The following FOXK1 variants were observed in gnomAD, a reference collection of about 807,000 sequenced individuals.
FOXK1 encodes forkhead box K1, also known as forkhead box protein K1.
A neutral mutation model predicts 51.9 loss-of-function variants in FOXK1; 19 were observed. The observed-to-expected ratio is 0.37, with a 90% CI of 0.26 to 0.54. The LOEUF is 0.54. Ranked by LOEUF, FOXK1 falls within the 20% of genes least tolerant of loss-of-function variation. The pLI is 0.87. For synonymous variants in FOXK1, 537 were observed against 482.6 expected, an observed-to-expected ratio of 1.11 and a Z score of -1.48; for missense variants, 870 against 1,032.7, an observed-to-expected ratio of 0.84 and a Z score of 2.16.
Position 4,734,553 on chromosome 7 carries a change from C to T in FOXK1, c.561-6285C>T, listed in dbSNP as rs1370755790. Among the ~76,000 whole-genome samples the T allele has an allele frequency of 6.6e-6, 1 of 151,454 alleles. No individual in the cohort carries two copies. Among genetic ancestry groups the T allele is most frequent in the African/African-American group, 2.5e-5 (1 of 40,788 alleles). On this transcript the variant is annotated intron_variant, in intron 1 of 8. Transcript: ENST00000328914. This position sits in a 1 kb window ranked among gnomAD's most constrained non-coding sequence, Gnocchi z 5.2. The stretch of plus-strand genomic sequence containing the variant: ...GTCTGTTCTTGTGGAAGGGGAGGTG[C>T]CCCCCGGCCCACCCCCCCGCTGCCC...
rs548496073 is a variant in FOXK1, at chr7:4,723,073, C to T, written c.561-17765C>T. Among the ~76,000 whole-genome samples, 4 of 152,076 alleles carry T rather than the reference C, an allele frequency of 2.6e-5. No homozygotes were observed. The highest frequency in any genetic ancestry group is 2.1e-4 in the South Asian group (1 of 4,778). On this transcript the variant is annotated intron_variant, in intron 1 of 8. Coordinates refer to ENST00000328914, the MANE Select transcript of FOXK1 (RefSeq NM_001037165.2). This position sits in a 1 kb window ranked among gnomAD's most constrained non-coding sequence, Gnocchi z 4.7. ...CAGCTTGTGATCCCGAACAAAAACC[C>T]GTCTTCCCAAGCCTGTTGACGATGA...
Position 4,756,920 on chromosome 7 carries a change from G to C in FOXK1, c.1051-74G>C. ...CTCCCCTCACCCTGGTCCCGCATCT[G>C]CTGCAGATTTGAGGTGGGTGGGACT... On this transcript the variant is annotated intron_variant, in intron 4 of 8. Coordinates refer to ENST00000328914, the MANE Select transcript of FOXK1 (RefSeq NM_001037165.2). This position sits in a 1 kb window ranked among gnomAD's most constrained non-coding sequence, Gnocchi z 4.1. 1 of 1,523,212 alleles carries C rather than the reference G, an allele frequency of 6.6e-7. No homozygotes were observed. The allele number at this position is 1,523,212 out of a possible 1,614,324, so 94.4% of individuals were successfully genotyped here.
At position 4,730,262 on chromosome 7, in the gene FOXK1, C is replaced by T. The variant is rs1780433077; in HGVS notation, c.561-10576C>T. 6.6e-6 allele frequency among the ~76,000 whole-genome samples: 1 copy of T among 152,236 alleles called. No individual in the cohort carries two copies. Among genetic ancestry groups the T allele is most frequent in the Non-Finnish European group, 1.5e-5 (1 of 68,032 alleles). On this transcript the variant is annotated intron_variant, in intron 1 of 8. Coordinates refer to ENST00000328914, the MANE Select transcript of FOXK1 (RefSeq NM_001037165.2). This position sits in a 1 kb window ranked among gnomAD's most constrained non-coding sequence, Gnocchi z 4.7. ...TTCACACACACCACGCACACCCCCA[C>T]ATTGTTGTCACTGCGAGAACGGAGG...
chr7:4,730,557 C>A lies in FOXK1; in HGVS notation c.561-10281C>A, dbSNP rs1230637369. Among the ~76,000 whole-genome samples the A allele has an allele frequency of 2.0e-5, 3 of 152,150 alleles. No homozygotes were observed. Among genetic ancestry groups the A allele is most frequent in the Non-Finnish European group, 4.4e-5 (3 of 68,020 alleles). ...TGGACGTTTGTGTTGCTGTCAGGGA[C>A]CTTGCCGACCCAGCCCCCGCCCCGC... On this transcript the variant is annotated intron_variant, in intron 1 of 8. Coordinates refer to ENST00000328914, the MANE Select transcript of FOXK1 (RefSeq NM_001037165.2). The surrounding 1 kb of genome is among the most constrained non-coding windows in gnomAD (Gnocchi z 4.7).
intron 2 of FOXK1, among the ~76,000 whole-genome samples, chr7:4,754,247 A>T (rs796765418): frequency 5.9e-5 from 9 of 152,308 alleles, no homozygotes; most frequent in African/African-American, 2.2e-4. Flanking sequence ...CCCCGAGCAG[A>T]AGTCACCACT....
intron 2 of FOXK1, among the ~76,000 whole-genome samples, chr7:4,744,869 G>A (rs571441194): frequency 6.6e-6 from 1 of 152,384 alleles, no homozygotes; most frequent in Non-Finnish European, 1.5e-5. Context: ...AAAGTAGTAA[G>A]TTAGGGACTG....
chr7:4,750,188 C>CG (rs1322279536), intron 2 of FOXK1, among the ~76,000 whole-genome samples: 7 of 152,180 alleles, frequency 4.6e-5, no homozygotes, highest in Admixed American at 3.3e-4. Flanking sequence ...AGCCTCCAAT[C>CG]GGGGGGCACA....
At chr7:4,741,745 A>G (rs933703730) in intron 2 of FOXK1, among the ~76,000 whole-genome samples, 2 of 152,258 alleles carry the variant, frequency 1.3e-5, no homozygotes, top group African/African-American at 2.4e-5. Flanking sequence ...TTTTGAAGAA[A>G]GTCCTCAAAC....
chr7:4,706,024 G>GTA lies in FOXK1; in HGVS notation c.560+23157_560+23158insAT, dbSNP rs1562373187. On this transcript the variant is annotated intron_variant, in intron 1 of 8. Coordinates refer to ENST00000328914, the MANE Select transcript of FOXK1 (RefSeq NM_001037165.2). Reference sequence around the variant, plus strand: ...TATACGTATATATACGTATATATACGTGTATATACGTGTATATACGTGTAT... The same window carrying GTA: ...TATACGTATATATACGTATATATACGTATGTATATACGTGTATATACGTGTAT... Among the ~76,000 whole-genome samples the GTA allele has an allele frequency of 1.1e-3, 109 of 95,804 alleles. 6 individuals carry two copies. Among genetic ancestry groups the GTA allele is most frequent in the African/African-American group, 7.7e-3 (75 of 9,752 alleles). The allele number at this position is 95,804 out of a possible 152,430, so 62.9% of individuals were successfully genotyped here. A position where few individuals can be genotyped will look rare whatever the true frequency, so the allele number is the denominator to read the frequency against.
At chr7:4,690,278 G>T (rs529483518) in intron 1 of FOXK1, among the ~76,000 whole-genome samples, 1 of 152,236 alleles carries the variant, frequency 6.6e-6, no homozygotes, top group African/African-American at 2.4e-5. Flanking sequence ...AGGGGGAGCC[G>T]CTTCGCGGAA....
At position 4,762,521 on chromosome 7, in the gene FOXK1, C is replaced by G. The variant is rs546492376; in HGVS notation, c.*57C>G. ...CCCAGCGGCGACCCCGAAGCTGGAC[C>G]CGGCAGCTCAGGCGGCCGCACCCAC... On this transcript the variant is annotated 3_prime_UTR_variant, in exon 9 of 9. Coordinates refer to ENST00000328914, the MANE Select transcript of FOXK1 (RefSeq NM_001037165.2). The surrounding 1 kb of genome is among the most constrained non-coding windows in gnomAD (Gnocchi z 5.7). The G allele has an allele frequency of 6.7e-7, 1 of 1,487,350 alleles. No individual in the cohort carries two copies. The highest frequency in any genetic ancestry group is 1.3e-5 in the South Asian group (1 of 77,936). 92.1% of individuals were successfully genotyped at this position (1,487,350 alleles called of 1,614,324 possible). A position where few individuals can be genotyped will look rare whatever the true frequency, so the allele number is the denominator to read the frequency against.
chr7:4,725,359 C>T (rs1183039506), intron 1 of FOXK1, among the ~76,000 whole-genome samples: 1 of 152,224 alleles, frequency 6.6e-6, no homozygotes, highest in Non-Finnish European at 1.5e-5. Flanking sequence ...TGCTTTTGTT[C>T]AGAAAGCGGT....
chr7:4,689,640 A>G (rs191826277), intron 1 of FOXK1, among the ~76,000 whole-genome samples: 70 of 152,346 alleles, frequency 4.6e-4, no homozygotes, highest in Admixed American at 3.7e-3. Context: ...GCTATTTCCA[A>G]CTAGTCACTT....
chr7:4,758,105 C>G lies in FOXK1; in HGVS notation c.1244+918C>G, dbSNP rs534123598. The G allele has an allele frequency of 5.9e-5, 9 of 152,282 alleles. No individual in the cohort carries two copies. Among genetic ancestry groups the G allele is most frequent in the African/African-American group, 2.2e-4 (9 of 41,468 alleles). 9.4% of individuals were successfully genotyped at this position (152,282 alleles called of 1,614,324 possible). A position where few individuals can be genotyped will look rare whatever the true frequency, so the allele number is the denominator to read the frequency against. On this transcript the variant is annotated intron_variant, in intron 5 of 8. Transcript: ENST00000328914. This position sits in a 1 kb window ranked among gnomAD's most constrained non-coding sequence, Gnocchi z 4.4. Reference sequence around the variant, plus strand: ...GGGTCTTTTGGTAGCACTAAGCTTTCTGTTGCAGTGTGTGAGAGGACCCGG... The same window carrying G: ...GGGTCTTTTGGTAGCACTAAGCTTTGTGTTGCAGTGTGTGAGAGGACCCGG...
In FOXK1 at chr7:4,735,201, T is replaced by C. The variant is rs1426211820; in HGVS notation, c.561-5637T>C. On this transcript the variant is annotated intron_variant, in intron 1 of 8. Coordinates refer to ENST00000328914, the MANE Select transcript of FOXK1 (RefSeq NM_001037165.2). This position sits in a 1 kb window ranked among gnomAD's most constrained non-coding sequence, Gnocchi z 4.7. Reference sequence around the variant, plus strand: ...TAGAGACGGCTCTGTGGTCTGAGGCTGAGCCAGGCAGTGTCATCTCCAACC... The same window carrying C: ...TAGAGACGGCTCTGTGGTCTGAGGCCGAGCCAGGCAGTGTCATCTCCAACC... Among the ~76,000 whole-genome samples, 1 of 152,046 alleles carries C rather than the reference T, an allele frequency of 6.6e-6. No homozygotes were observed. Among genetic ancestry groups the C allele is most frequent in the Non-Finnish European group, 1.5e-5 (1 of 68,002 alleles).
At chr7:4,712,192 T>A (rs559142066) in intron 1 of FOXK1, among the ~76,000 whole-genome samples, 1 of 152,074 alleles carries the variant, frequency 6.6e-6, no homozygotes, top group Admixed American at 6.6e-5. Flanking sequence ...GTCGCCTCCC[T>A]GGGGTGAGAC....
chr7:4,682,493 C>T lies in FOXK1; in HGVS notation c.185C>T (p.Pro62Leu), dbSNP rs1779760607. The change falls in exon 1 of 9, where the codon CCG becomes CTG. Residue 62 changes from proline to leucine, a missense_variant. By Grantham distance (98) the Pro-to-Leu change is moderately conservative. Around this residue, in one of 3 missense-constraint regions of FOXK1, gnomAD observed 399 missense variants for 475.6 expected, o/e 0.84. Transcript: ENST00000328914. The surrounding 1 kb of genome is among the most constrained non-coding windows in gnomAD (Gnocchi z 7.6). ...CCGCCGCCGCCACCGCCGCTGCCTC[C>T]GGGCGCGATCGCGGGCGCGGGCTCC... ...PPPPPPPPLP[P>L]GAIAGAGSSG... 4.9e-6 allele frequency: 5 copies of T among 1,016,038 alleles called. No individual in the cohort carries two copies. In the South Asian group the frequency reaches 2.2e-4, roughly 45 times the overall value. 62.9% of individuals were successfully genotyped at this position (1,016,038 alleles called of 1,614,324 possible).
chr7:4,682,978 ACCCCCCGGCCC>A lies in FOXK1; in HGVS notation c.560+111_560+121del, dbSNP rs1779771990. 9.2e-6 allele frequency: 9 copies of A among 975,014 alleles called. No individual in the cohort carries two copies. Among genetic ancestry groups the A allele is most frequent in the Non-Finnish European group, 1.2e-5 (9 of 770,872 alleles). The allele number at this position is 975,014 out of a possible 1,614,324, so 60.4% of individuals were successfully genotyped here. On this transcript the variant is annotated intron_variant, in intron 1 of 8. Coordinates refer to ENST00000328914, the MANE Select transcript of FOXK1 (RefSeq NM_001037165.2). The surrounding 1 kb of genome is among the most constrained non-coding windows in gnomAD (Gnocchi z 7.6). Reference sequence around the variant, plus strand: ...TCCAGCTTCCTCGGCCTCGACCCCCACCCCCCGGCCCACCCCCGGTAACCCCCGACCGGCCT... The same window carrying A: ...TCCAGCTTCCTCGGCCTCGACCCCCAACCCCCGGTAACCCCCGACCGGCCT...
chr7:4,740,909 C>A lies in FOXK1; in HGVS notation c.632C>A (p.Pro211Gln), dbSNP rs1199891957. The change falls in exon 2 of 9, where the codon CCA (proline) becomes CAA (glutamine). Residue 211 changes from proline (P) to glutamine (Q), a missense_variant. Around this residue, in one of 3 missense-constraint regions of FOXK1, gnomAD observed 399 missense variants for 475.6 expected, o/e 0.84. Transcript: ENST00000328914. ...FTSLYHKEEA[P>Q]ASPLRPLYPQ... is the part of the protein sequence containing the mutation. ...TCGCTCTATCACAAAGAAGAGGCCC[C>A]AGCCTCCCCGCTGCGGCCACTGTAC... 1 of 1,588,970 alleles carries A rather than the reference C, an allele frequency of 6.3e-7. No homozygotes were observed. Among genetic ancestry groups the A allele is most frequent in the Non-Finnish European group, 8.6e-7 (1 of 1,169,378 alleles).
Sources: allele counts gnomAD v4.1 joint callset (sites outside exome capture counted in the v4.1 genomes callset), GRCh38; gene constraint gnomAD v4.1.1; regional missense constraint gnomAD v4.1.1; non-coding constraint Gnocchi (gnomAD v3.1); transcripts MANE v1.5; gene names NCBI Gene and HGNC (gene_info 2026-07-23, HGNC 2026-07-21).